Variants in TDRD7 observed in about 807,000 individuals in gnomAD.
TDRD7 encodes the protein tudor domain containing 7.
TDRD7 carries 47 observed loss-of-function variants against 109.8 expected under a neutral mutation model. The observed-to-expected ratio is 0.43, with a 90% CI of 0.34 to 0.55. The LOEUF (loss-of-function observed/expected upper bound fraction) is 0.55. Ranked by LOEUF, TDRD7 falls within the 20% of genes least tolerant of loss-of-function variation. The pLI is 0.03. For missense variants in TDRD7, 1,164 were observed against 1,319.2 expected (o/e 0.88, Z 1.82); for synonymous variants, 424 against 457.3 (o/e 0.93, Z 0.93).
At chr9:97,442,502 A>G (rs889796417) in intron 6 of TDRD7, among the ~76,000 whole-genome samples, 85 of 152,342 alleles carry the variant, frequency 5.6e-4, no homozygotes, top group African/African-American at 2.0e-3. Context: ...TTTATTAAAG[A>G]TCTTAGTTCA....
In TDRD7 at chr9:97,475,364, A is replaced by T; in HGVS notation, c.2080-19A>T. The T allele has an allele frequency of 6.3e-7, 1 of 1,582,396 alleles. No homozygotes were observed. The highest frequency in any genetic ancestry group is 8.7e-7 in the Non-Finnish European group (1 of 1,151,536). On this transcript the variant is annotated intron_variant, in intron 11 of 16. Transcript: ENST00000355295. Reference sequence around the variant, plus strand: ...CTTTGCTAAGAGTAATAAGAGTATCATGCATTTCTGTTTTGCAGCACATGA... The same window carrying T: ...CTTTGCTAAGAGTAATAAGAGTATCTTGCATTTCTGTTTTGCAGCACATGA...
intron 8 of TDRD7, 42 bp from the exon 9 acceptor site, chr9:97,470,514 AAG>A: frequency 6.5e-7 from 1 of 1,541,384 alleles, no homozygotes; most frequent in Non-Finnish European, 9.0e-7. Flanking sequence ...GAATTTTTTA[AAG>A]AGAGGATAAA....
At position 97,495,650 on chromosome 9, in the gene TDRD7, C is replaced by G; in HGVS notation, c.3077-13C>G. On this transcript the variant is annotated splice_polypyrimidine_tract_variant and intron_variant, in intron 16 of 16. Transcript: ENST00000355295. ...CTCCTCACTGCTCCCTCTTCTTCCT[C>G]TCTTCCTCCTAGGAGTGAAGTGCAA... The G allele has an allele frequency of 1.2e-6, 2 of 1,612,466 alleles. No homozygotes were observed. The highest frequency in any genetic ancestry group is 1.1e-5 in the South Asian group (1 of 91,050).
intron 2 of TDRD7, 85 bp downstream of exon 2, chr9:97,428,757 A>G: frequency 4.6e-6 from 6 of 1,295,802 alleles, no homozygotes; most frequent in Non-Finnish European, 6.6e-6. Context: ...CCTGTGATAG[A>G]CGTCTAAGTG....
chr9:97,440,707 C>T (rs1828287942), intron 5 of TDRD7, among the ~76,000 whole-genome samples: 1 of 152,264 alleles, frequency 6.6e-6, no homozygotes, highest in South Asian at 2.1e-4. Flanking sequence ...ATCAGACTGT[C>T]TCTACCTGCA....
intron 15 of TDRD7, among the ~76,000 whole-genome samples, chr9:97,486,364 T>G (rs1829211736): frequency 1.3e-5 from 2 of 152,204 alleles, no homozygotes; most frequent in Non-Finnish European, 2.9e-5. Context: ...TTTTCTCATT[T>G]TAATGATGTT....
intron 1 of TDRD7, among the ~76,000 whole-genome samples, chr9:97,421,801 C>G (rs943759444): frequency 1.6e-4 from 24 of 151,300 alleles, no homozygotes; most frequent in African/African-American, 5.6e-4. Context: ...GCTCAGGTGA[C>G]CCATGTGCCT....
rs978150557 is a variant in TDRD7, at chr9:97,412,168, G to C, written c.-77G>C. On this transcript the variant is annotated 5_prime_UTR_variant, in exon 1 of 17. Coordinates refer to ENST00000355295, the MANE Select transcript of TDRD7 (RefSeq NM_014290.3). This position sits in a 1 kb window ranked among gnomAD's most constrained non-coding sequence, Gnocchi z 4.3. ...GAAAGTGGGCGGCGGCCGCGGCGGGGCCCCTGGCGGAGACGGCGGCAGGAG... is the reference window on the plus strand; with the variant it reads ...GAAAGTGGGCGGCGGCCGCGGCGGGCCCCCTGGCGGAGACGGCGGCAGGAG... 3.9e-5 allele frequency: 6 copies of C among 154,154 alleles called. No homozygotes were observed. Among genetic ancestry groups the C allele is most frequent in the African/African-American group, 1.4e-4 (6 of 41,452 alleles). The allele number at this position is 154,154 out of a possible 1,614,324, so 9.5% of individuals were successfully genotyped here.
chr9:97,471,284 GA>G (rs1472568045), intron 9 of TDRD7, among the ~76,000 whole-genome samples: 1 of 152,178 alleles, frequency 6.6e-6, no homozygotes, highest in Non-Finnish European at 1.5e-5. Context: ...TGCCGGGGGG[GA>G]CTTGAGCCAA....
chr9:97,421,624 C>T (rs1827900611), intron 1 of TDRD7, among the ~76,000 whole-genome samples: 1 of 152,144 alleles, frequency 6.6e-6, no homozygotes, highest in Non-Finnish European at 1.5e-5. Context: ...GGTTCTCACT[C>T]TGTCGCACCA....
Position 97,428,448 on chromosome 9 carries a change from G to A in TDRD7, c.-6-12G>A. 3 of 1,612,626 alleles carry A rather than the reference G, an allele frequency of 1.9e-6. No individual in the cohort carries two copies. Among genetic ancestry groups the A allele is most frequent in the Admixed American group, 1.7e-5 (1 of 59,966 alleles). ...AGCCATATTATAGTAACCTTCTACT[G>A]TGTTCTTATAGGCAAAGATGCTGGA... On this transcript the variant is annotated splice_polypyrimidine_tract_variant and intron_variant, in intron 1 of 16. Transcript: ENST00000355295.
At position 97,439,463 on chromosome 9, in the gene TDRD7, A is replaced by C. The variant is rs575216475; in HGVS notation, c.637+145A>C. 5.9e-5 allele frequency: 42 copies of C among 710,288 alleles called. No homozygotes were observed. In the South Asian group the frequency reaches 6.1e-4, roughly 10 times the overall value. 44.0% of individuals were successfully genotyped at this position (710,288 alleles called of 1,614,324 possible). A position where few individuals can be genotyped will look rare whatever the true frequency, so the allele number is the denominator to read the frequency against. ...TTTTTCCTAATTGCTTTGCATCATG[A>C]ATCAAAGTGATCTTAAGAGAAAATG... On this transcript the variant is annotated intron_variant, in intron 5 of 16. Transcript: ENST00000355295.
intron 2 of TDRD7, 54 bp downstream of exon 2, chr9:97,428,726 T>C: frequency 6.6e-7 from 1 of 1,525,192 alleles, no homozygotes; most frequent in Non-Finnish European, 9.0e-7. Flanking sequence ...TAATTGCCTC[T>C]CTGGCACTTC....
At chr9:97,463,519 G>T (rs1026066605) in intron 7 of TDRD7, among the ~76,000 whole-genome samples, 3 of 152,046 alleles carry the variant, frequency 2.0e-5, no homozygotes, top group African/African-American at 7.2e-5. Flanking sequence ...TGGAGCCTGG[G>T]TGAAACCTGG....
At chr9:97,440,133 A>G (rs553266590) in intron 5 of TDRD7, among the ~76,000 whole-genome samples, 5 of 152,310 alleles carry the variant, frequency 3.3e-5, no homozygotes, top group East Asian at 3.9e-4. Context: ...TTACTTTTAC[A>G]TAGGCATTTT....
At chr9:97,445,276 A>G (rs1828381343) in intron 6 of TDRD7, among the ~76,000 whole-genome samples, 1 of 111,332 alleles carries the variant, frequency 9.0e-6, no homozygotes. Context: ...CTCTCGTTTA[A>G]CTGTTGTATT....
At chr9:97,419,354 T>G (rs1827861577) in intron 1 of TDRD7, among the ~76,000 whole-genome samples, 1 of 152,186 alleles carries the variant, frequency 6.6e-6, no homozygotes, top group African/African-American at 2.4e-5. Context: ...TCTTGCAAAT[T>G]AAAACTTGGC....
intron 7 of TDRD7, 121 bp from the exon 8 acceptor site, chr9:97,464,721 A>C: frequency 1.0e-6 from 1 of 979,872 alleles, no homozygotes; most frequent in Non-Finnish European, 1.6e-6. Flanking sequence ...TGTTGATATA[A>C]GCAAGTCTGA....
At chr9:97,458,953 C>T (rs924457935) in intron 6 of TDRD7, among the ~76,000 whole-genome samples, 3 of 152,182 alleles carry the variant, frequency 2.0e-5, no homozygotes, top group Non-Finnish European at 2.9e-5. Context: ...ACCTAACCAG[C>T]ATACTTTAAA....
Sources: allele counts gnomAD v4.1 joint callset (sites outside exome capture counted in the v4.1 genomes callset), GRCh38; gene constraint gnomAD v4.1.1; non-coding constraint Gnocchi (gnomAD v3.1); transcripts MANE v1.5; gene names NCBI Gene and HGNC (gene_info 2026-07-23, HGNC 2026-07-21).